PHKB: variants seen among roughly 807,000 people sequenced by gnomAD.
PHKB encodes the protein phosphorylase b kinase regulatory subunit beta.
In PHKB, 122 loss-of-function variants were observed where a neutral mutation model predicts 152.1. The ratio of observed to expected loss-of-function variants is 0.80; its 90% confidence interval spans 0.69 to 0.93. The LOEUF (loss-of-function observed/expected upper bound fraction) is 0.93. Ranked by LOEUF, PHKB falls within the 40% of genes least tolerant of loss-of-function variation. PHKB has a pLI of 0.00. For synonymous variants in PHKB, 436 were observed against 464.9 expected, an observed-to-expected ratio of 0.94 and a Z score of 0.80; for missense variants, 1,304 against 1,328.4, an observed-to-expected ratio of 0.98 and a Z score of 0.29.
chr16:47,663,715 G>C lies in PHKB; in HGVS notation c.2317G>C (p.Ala773Pro). Residue 773 changes from alanine (A) to proline (P), a missense_variant, in exon 24 of 31, where the codon GCT becomes CCT. By Grantham distance (27) the Ala-to-Pro change is conservative. Coordinates refer to ENST00000323584, the MANE Select transcript of PHKB (RefSeq NM_000293.3). The part of the protein sequence containing the change: ...SDHIERVYRR[A>P]GSQKLWLAVR... ...TCACATTGAGAGAGTCTATAGAAGA[G>C]CTGGCAGCCAAAAACTTTGGTTTGT... The C allele has an allele frequency of 6.2e-7, 1 of 1,610,782 alleles. No homozygotes were observed. The highest frequency in any genetic ancestry group is 8.5e-7 in the Non-Finnish European group (1 of 1,177,072).
At chr16:47,604,416 A>C (rs1374194163) in intron 13 of PHKB, among the ~76,000 whole-genome samples, 1 of 152,064 alleles carries the variant, frequency 6.6e-6, no homozygotes, top group African/African-American at 2.4e-5. Flanking sequence ...TCAGTTGACT[A>C]AAATGCATAC....
intron 13 of PHKB, among the ~76,000 whole-genome samples, chr16:47,600,487 A>C (rs948955727): frequency 1.3e-5 from 2 of 152,176 alleles, no homozygotes; most frequent in African/African-American, 4.8e-5. Context: ...TTCATGTAAG[A>C]CCAGTCTAAA....
At chr16:47,507,460 G>C (rs1351550557) in intron 4 of PHKB, among the ~76,000 whole-genome samples, 2 of 152,042 alleles carry the variant, frequency 1.3e-5, no homozygotes, top group Non-Finnish European at 2.9e-5. Context: ...TTATTAACCA[G>C]TCATCACAAT....
At chr16:47,470,069 C>T (rs1230636090) in intron 1 of PHKB, among the ~76,000 whole-genome samples, 3 of 152,102 alleles carry the variant, frequency 2.0e-5, no homozygotes, top group Non-Finnish European at 4.4e-5. Context: ...AATCCTCTTG[C>T]CTAGACCAGT....
chr16:47,566,830 C>T (rs1971577029), intron 7 of PHKB: 2 of 722,328 alleles, frequency 2.8e-6, no homozygotes, highest in African/African-American at 1.7e-5. Context: ...CCTCCATCCT[C>T]AGCCAGAGAG....
intron 26 of PHKB, among the ~76,000 whole-genome samples, chr16:47,680,558 A>C (rs1352064462): frequency 6.6e-6 from 1 of 152,094 alleles, no homozygotes; most frequent in African/African-American, 2.4e-5. Context: ...ATTTGCGTAG[A>C]GGTGTTTATA....
chr16:47,668,782 A>G (rs1358323434), intron 25 of PHKB, among the ~76,000 whole-genome samples: 1 of 152,222 alleles, frequency 6.6e-6, no homozygotes, highest in Non-Finnish European at 1.5e-5. Flanking sequence ...TGCTGAGGCA[A>G]AAGGATCTGC....
chr16:47,611,779 C>G (rs1972433107), intron 14 of PHKB, among the ~76,000 whole-genome samples: 1 of 152,138 alleles, frequency 6.6e-6, no homozygotes, highest in Non-Finnish European at 1.5e-5. Flanking sequence ...TTTTGCTGGT[C>G]TTCAACAAAA....
chr16:47,529,938 T>C (rs1358360614), intron 6 of PHKB: 1 of 152,116 alleles, frequency 6.6e-6, no homozygotes, highest in African/African-American at 2.4e-5. Flanking sequence ...AGAAAAACCA[T>C]ATAACCATTT....
chr16:47,560,730 C>T (rs1971461443), intron 7 of PHKB, among the ~76,000 whole-genome samples: 1 of 150,274 alleles, frequency 6.7e-6, no homozygotes, highest in Non-Finnish European at 1.5e-5. Flanking sequence ...AATCTGGACC[C>T]CTATTTCACA....
intron 1 of PHKB, among the ~76,000 whole-genome samples, chr16:47,479,657 C>T (rs896329236): frequency 6.6e-6 from 1 of 152,168 alleles, no homozygotes; most frequent in Non-Finnish European, 1.5e-5. Flanking sequence ...ATTTGTTGAG[C>T]AGCAGTCCTT....
chr16:47,509,842 T>C (rs1356273275), intron 4 of PHKB, among the ~76,000 whole-genome samples: 1 of 152,160 alleles, frequency 6.6e-6, no homozygotes, highest in Non-Finnish European at 1.5e-5. Flanking sequence ...TTTGTTGCAA[T>C]TCTTCCAGTA....
At chr16:47,661,526 A>G (rs1438442887) in intron 22 of PHKB, among the ~76,000 whole-genome samples, 193 bp from the exon 23 acceptor site, 3 of 152,194 alleles carry the variant, frequency 2.0e-5, no homozygotes, top group Admixed American at 2.0e-4. Flanking sequence ...TATCTCTAAG[A>G]TATCTAAGAT....
chr16:47,654,370 C>A (rs1363841538), intron 20 of PHKB, among the ~76,000 whole-genome samples: 1 of 152,126 alleles, frequency 6.6e-6, no homozygotes, highest in African/African-American at 2.4e-5. Flanking sequence ...TAAACTAGTT[C>A]AACCATTGTG....
At chr16:47,642,914 G>C (rs1310127488) in intron 16 of PHKB, among the ~76,000 whole-genome samples, 1 of 152,166 alleles carries the variant, frequency 6.6e-6, no homozygotes, top group Non-Finnish European at 1.5e-5. Flanking sequence ...CAACGTGGAG[G>C]GAGAGAGAAG....
intron 1 of PHKB, among the ~76,000 whole-genome samples, chr16:47,478,865 C>A (rs1969916424): frequency 6.6e-6 from 1 of 152,104 alleles, no homozygotes; most frequent in African/African-American, 2.4e-5. Flanking sequence ...GTTCTGGGCA[C>A]ACTGGTGAAT....
At chr16:47,472,761 G>A (rs1310217418) in intron 1 of PHKB, among the ~76,000 whole-genome samples, 5 of 151,744 alleles carry the variant, frequency 3.3e-5, no homozygotes, top group African/African-American at 1.2e-4. Context: ...CAGCCTGGGC[G>A]ACAGGGCGAG....
chr16:47,525,247 T>A (rs893041943), intron 6 of PHKB, among the ~76,000 whole-genome samples: 5 of 152,202 alleles, frequency 3.3e-5, no homozygotes, highest in African/African-American at 1.2e-4. Context: ...TACAGTTTAG[T>A]TGAGAAAAGA....
At chr16:47,617,486 T>C (rs1205747388) in intron 14 of PHKB, among the ~76,000 whole-genome samples, 1 of 152,022 alleles carries the variant, frequency 6.6e-6, no homozygotes, top group African/African-American at 2.4e-5. Flanking sequence ...ATTCTACTTT[T>C]TGTGTGTATG....
Sources: gnomAD v4.1 joint callset for allele counts (sites outside exome capture counted in the v4.1 genomes callset) on GRCh38, gnomAD v4.1.1 for gene constraint, MANE v1.5 for transcripts, NCBI Gene and HGNC (gene_info 2026-07-23, HGNC 2026-07-21) for gene names.